The following PPP3CB variants were observed in gnomAD, a reference collection of about 807,000 sequenced individuals.
PPP3CB encodes the protein serine/threonine-protein phosphatase 2B catalytic subunit beta isoform.
A neutral mutation model predicts 66.4 loss-of-function variants in PPP3CB; 8 were observed. The observed-to-expected ratio is 0.12, with a 90% CI of 0.07 to 0.22. The LOEUF is 0.22. PPP3CB is among the 10% of genes least tolerant of loss of function. PPP3CB has a pLI of 1.00. For synonymous variants in PPP3CB, 208 were observed against 221.2 expected, an observed-to-expected ratio of 0.94 and a Z score of 0.53; for missense variants, 319 against 642.5, an observed-to-expected ratio of 0.50 and a Z score of 5.44.
chr10:73,457,464 G>A (rs2056447643), intron 9 of PPP3CB, among the ~76,000 whole-genome samples: 1 of 151,772 alleles, frequency 6.6e-6, no homozygotes. Context: ...AAGTCAGCTA[G>A]GCCGGGGGTC....
intron 9 of PPP3CB, among the ~76,000 whole-genome samples, chr10:73,463,809 G>A (rs1436106976): frequency 2.0e-5 from 3 of 151,436 alleles, no homozygotes; most frequent in African/African-American, 7.3e-5. Flanking sequence ...GTAATTTTTT[G>A]TATTTTTAGT....
rs1226682657 is a variant in PPP3CB, at chr10:73,495,848, G to A, written c.42C>T (p.Pro14=). Reference sequence around the variant, plus strand: ...CCCCGGGAGGGGGCGGCGGGGGCGGGGGTGGGGGCGGTGCAGCCCGGGCCG... The same window carrying A: ...CCCCGGGAGGGGGCGGCGGGGGCGGAGGTGGGGGCGGTGCAGCCCGGGCCG... ...PEPARAAPPP[P]PPPPPPPGAD... The change falls in exon 1 of 14, where the codon CCC becomes CCT. Residue 14 remains proline, a synonymous_variant. Coordinates refer to ENST00000360663, the MANE Select transcript of PPP3CB (RefSeq NM_021132.4). 3 of 1,470,254 alleles carry A rather than the reference G, an allele frequency of 2.0e-6. No homozygotes were observed. The highest frequency in any genetic ancestry group is 2.7e-6 in the Non-Finnish European group (3 of 1,108,808). The allele number at this position is 1,470,254 out of a possible 1,614,324, so 91.1% of individuals were successfully genotyped here.
intron 1 of PPP3CB, among the ~76,000 whole-genome samples, chr10:73,484,461 T>C (rs1162987475): frequency 2.0e-5 from 3 of 151,752 alleles, no homozygotes; most frequent in South Asian, 2.1e-4. Context: ...TTAGTAGAGA[T>C]GGGGTTTCAC....
chr10:73,489,981 C>T (rs1054283201), intron 1 of PPP3CB, among the ~76,000 whole-genome samples: 5 of 152,148 alleles, frequency 3.3e-5, no homozygotes, highest in African/African-American at 9.7e-5. Flanking sequence ...GCTCCAGTAG[C>T]GCTTTGTACC....
intron 10 of PPP3CB, chr10:73,448,703 A>G (rs749984745): frequency 2.1e-5 from 11 of 533,226 alleles, no homozygotes; most frequent in Middle Eastern, 3.2e-4. Context: ...TCAGATGGAG[A>G]GTCCAGAAAA....
chr10:73,457,264 A>G (rs2056442797), intron 9 of PPP3CB, among the ~76,000 whole-genome samples: 1 of 132,154 alleles, frequency 7.6e-6, no homozygotes, highest in African/African-American at 3.4e-5. Context: ...AAAAAAGAAA[A>G]AAAAAAAAAA....
At chr10:73,477,230 T>G in intron 3 of PPP3CB, 1 of 517,702 alleles carries the variant, frequency 1.9e-6, no homozygotes, top group Non-Finnish European at 3.9e-6. Flanking sequence ...ATATTAAATG[T>G]GCAACACAGG....
rs2057065793 is a variant in PPP3CB, at chr10:73,491,019, ATTGTT to A, written c.85+4781_85+4785del. 1.3e-4 allele frequency among the ~76,000 whole-genome samples: 3 copies of A among 22,384 alleles called. No homozygotes were observed. In the East Asian group the frequency reaches 4.8e-3, roughly 36 times the overall value. The allele number at this position is 22,384 out of a possible 152,430, so 14.7% of individuals were successfully genotyped here. The stretch of plus-strand genomic sequence containing the variant: ...TGCTAATTTTTGTTTGTTTGTTTTT[ATTGTT>A]TTTTTTTTTTTTTTTTTTTTTTTTT... On this transcript the variant is annotated intron_variant, in intron 1 of 13. Transcript: ENST00000360663.
intron 12 of PPP3CB, among the ~76,000 whole-genome samples, chr10:73,443,250 AAGAGAGAGAGAGAGAG>A (rs60288220): frequency 2.1e-4 from 29 of 136,102 alleles, no homozygotes; most frequent in African/African-American, 3.3e-4. Context: ...GAGAGAGAGA[AAGAGAGAGAGAGAGAG>A]AGAAAGAAAG....
intron 1 of PPP3CB, among the ~76,000 whole-genome samples, chr10:73,489,945 G>C (rs945573634): frequency 6.6e-6 from 1 of 151,778 alleles, no homozygotes; most frequent in Admixed American, 6.6e-5. Context: ...TTCCCTCAAA[G>C]TAAGATAGCC....
intron 1 of PPP3CB, 108 bp downstream of exon 1, chr10:73,495,693 CCAGT>C: frequency 7.0e-7 from 1 of 1,431,824 alleles, no homozygotes; most frequent in African/African-American, 1.5e-5. Flanking sequence ...AGGGAGGCAG[CCAGT>C]CACTCGCCCG....
chr10:73,488,416 G>A (rs1054218490), intron 1 of PPP3CB, among the ~76,000 whole-genome samples: 1 of 151,996 alleles, frequency 6.6e-6, no homozygotes, highest in African/African-American at 2.4e-5. Flanking sequence ...GCATGGTGGT[G>A]TGTGCCTGTA....
At chr10:73,466,151 T>A (rs573510792) in intron 9 of PPP3CB, among the ~76,000 whole-genome samples, 1 of 152,320 alleles carries the variant, frequency 6.6e-6, no homozygotes, top group South Asian at 2.1e-4. Flanking sequence ...CAAAAGGAGT[T>A]GGGCTAAATG....
At chr10:73,491,997 T>C (rs78932998) in intron 1 of PPP3CB, among the ~76,000 whole-genome samples, 1,928 of 150,496 alleles carry the variant, frequency 0.013, 17 homozygotes, top group Middle Eastern at 0.024. Flanking sequence ...AATAAATAAA[T>C]AAACAAAAAG....
intron 5 of PPP3CB, 21 bp from the exon 6 acceptor site, chr10:73,471,230 A>G (rs1481848072): frequency 3.8e-6 from 6 of 1,574,454 alleles, no homozygotes; most frequent in Non-Finnish European, 5.2e-6. Context: ...AAGAAAAGAA[A>G]GAACAGAAGT....
chr10:73,470,196 A>C (rs1426224925), intron 8 of PPP3CB, among the ~76,000 whole-genome samples: 1 of 131,496 alleles, frequency 7.6e-6, no homozygotes, highest in Non-Finnish European at 1.7e-5. Flanking sequence ...AATTAAAAAA[A>C]AGCTCAAATA....
chr10:73,495,636 C>T (rs2057189747), intron 1 of PPP3CB, 169 bp downstream of exon 1: 6 of 1,023,388 alleles, frequency 5.9e-6, no homozygotes, highest in Non-Finnish European at 7.7e-6. Flanking sequence ...ACCACTGCCA[C>T]CGACTCAGCC....
intron 1 of PPP3CB, among the ~76,000 whole-genome samples, chr10:73,481,155 AT>A (rs1162942192): frequency 4.8e-5 from 7 of 146,748 alleles, no homozygotes; most frequent in Admixed American, 6.8e-5. Flanking sequence ...CTCTTTCCAG[AT>A]TTTTTTTTCT....
At chr10:73,494,547 A>G (rs2057141623) in intron 1 of PPP3CB, among the ~76,000 whole-genome samples, 2 of 152,126 alleles carry the variant, frequency 1.3e-5, no homozygotes, top group East Asian at 1.9e-4. Context: ...CGCCTGCCTC[A>G]GCATCCGAAA....
Sources: allele counts gnomAD v4.1 joint callset (sites outside exome capture counted in the v4.1 genomes callset), GRCh38; gene constraint gnomAD v4.1.1; transcripts MANE v1.5; gene names NCBI Gene and HGNC (gene_info 2026-07-23, HGNC 2026-07-21).